The following GRID2 variants were observed in gnomAD, a reference collection of about 807,000 sequenced individuals.
GRID2 encodes the protein glutamate ionotropic receptor delta type subunit 2, also known as glutamate receptor ionotropic, delta-2.
In GRID2, 33 loss-of-function variants were observed where a neutral mutation model predicts 114.8. That is an observed-to-expected ratio of 0.29 (90% CI 0.22 to 0.38). The LOEUF (loss-of-function observed/expected upper bound fraction) is 0.38. Among genes scored for constraint, GRID2 ranks in the 10% least tolerant of loss-of-function variants. The pLI is 1.00. For missense variants in GRID2, 1,184 were observed against 1,257.7 expected (o/e 0.94, Z 0.89); for synonymous variants, 505 against 449.9 (o/e 1.12, Z -1.55).
chr4:93,405,007 G>C (rs1398249452), intron 9 of GRID2, among the ~76,000 whole-genome samples: 1 of 152,038 alleles, frequency 6.6e-6, no homozygotes, highest in Non-Finnish European at 1.5e-5. Context: ...GACTATGAAG[G>C]TAATATTGTA....
At chr4:93,799,693 A>C (rs1479899628) in intron 1 of GRID2, among the ~76,000 whole-genome samples, 2 of 152,206 alleles carry the variant, frequency 1.3e-5, no homozygotes, top group Admixed American at 1.3e-4. Context: ...ATCAATTAGT[A>C]TGATTTAGCT....
chr4:93,175,867 C>T (rs2149428762), intron 4 of GRID2, among the ~76,000 whole-genome samples: 2 of 152,232 alleles, frequency 1.3e-5, no homozygotes, highest in East Asian at 3.9e-4. Flanking sequence ...GTTTTCCCCT[C>T]CAATCCAACA....
At chr4:93,028,511 G>A (rs570620680) in intron 2 of GRID2, among the ~76,000 whole-genome samples, 8 of 152,070 alleles carry the variant, frequency 5.3e-5, no homozygotes, top group East Asian at 3.9e-4. Flanking sequence ...TAAATCATGC[G>A]TGATTAGGCA....
intron 11 of GRID2, among the ~76,000 whole-genome samples, chr4:93,466,072 A>C (rs1031153178): frequency 6.6e-6 from 1 of 152,182 alleles, no homozygotes; most frequent in African/African-American, 2.4e-5. Flanking sequence ...CTATAAAAAC[A>C]GTACACTTAG....
In GRID2 at chr4:92,971,015, A is replaced by T. The variant is rs550998159; in HGVS notation, c.245-113980A>T. Among the ~76,000 whole-genome samples, 67 of 143,420 alleles carry T rather than the reference A, an allele frequency of 4.7e-4. No homozygotes were observed. The East Asian group carries it at 4.9e-3, about 11-fold the overall frequency. The allele number at this position is 143,420 out of a possible 152,430, so 94.1% of individuals were successfully genotyped here. ...TGTGTGTATTGTTAAAGCTTTTTTT[A>T]AAAAAAAAAATTTGTACAGAAGAAG... On this transcript the variant is annotated intron_variant, in intron 2 of 15. Coordinates refer to ENST00000282020, the MANE Select transcript of GRID2 (RefSeq NM_001510.4).
At chr4:93,468,649 G>A (rs1724515396) in intron 11 of GRID2, among the ~76,000 whole-genome samples, 1 of 152,044 alleles carries the variant, frequency 6.6e-6, no homozygotes, top group Admixed American at 6.6e-5. Context: ...TAGGAGGTGA[G>A]GACAGAGAGG....
intron 2 of GRID2, among the ~76,000 whole-genome samples, chr4:92,690,891 C>G (rs548073757): frequency 3.3e-5 from 5 of 151,728 alleles, no homozygotes; most frequent in African/African-American, 1.2e-4. Flanking sequence ...TAATACATAG[C>G]TTATTTTTAT....
chr4:93,231,813 A>G (rs1746181511), intron 7 of GRID2, among the ~76,000 whole-genome samples: 1 of 152,118 alleles, frequency 6.6e-6, no homozygotes, highest in African/African-American at 2.4e-5. Context: ...CCCTCACTCC[A>G]TTGCAAGTGC....
chr4:92,321,016 T>G (rs1726285902), intron 1 of GRID2, among the ~76,000 whole-genome samples: 2 of 152,190 alleles, frequency 1.3e-5, no homozygotes, highest in Admixed American at 6.5e-5. Flanking sequence ...CTTTTATAGT[T>G]TCATATTGAA....
chr4:93,394,185 G>T (rs1050201620), intron 8 of GRID2, among the ~76,000 whole-genome samples: 2 of 151,944 alleles, frequency 1.3e-5, no homozygotes, highest in African/African-American at 4.8e-5. Context: ...ATGGCAAGAG[G>T]ACCACAATGT....
intron 13 of GRID2, among the ~76,000 whole-genome samples, chr4:93,611,000 T>C (rs1231680749): frequency 1.5e-5 from 2 of 131,820 alleles, no homozygotes; most frequent in Non-Finnish European, 3.2e-5. Context: ...GAGCCTGTTA[T>C]TGGTCTATTC....
chr4:92,991,801 TAC>T (rs1305712035), intron 2 of GRID2, among the ~76,000 whole-genome samples: 4 of 152,134 alleles, frequency 2.6e-5, no homozygotes, highest in Non-Finnish European at 5.9e-5. Flanking sequence ...TGAGTACAAA[TAC>T]ACAAAAGTTA....
At chr4:93,511,229 G>T (rs1299196521) in intron 12 of GRID2, among the ~76,000 whole-genome samples, 2 of 152,106 alleles carry the variant, frequency 1.3e-5, no homozygotes, top group Non-Finnish European at 2.9e-5. Context: ...GAGCCACTGC[G>T]CCTGGCCCCA....
chr4:92,920,994 G>A (rs185559801), intron 2 of GRID2, among the ~76,000 whole-genome samples: 342 of 152,206 alleles, frequency 2.2e-3, no homozygotes, highest in African/African-American at 7.6e-3. Context: ...CCAATCAGAC[G>A]TAGATTTGGT....
chr4:93,645,794 T>G (rs1722056738), intron 14 of GRID2, among the ~76,000 whole-genome samples: 1 of 152,184 alleles, frequency 6.6e-6, no homozygotes, highest in Non-Finnish European at 1.5e-5. Flanking sequence ...TTTTTGTTAA[T>G]TAATCATTTC....
chr4:92,309,546 C>T (rs967515520), intron 1 of GRID2, among the ~76,000 whole-genome samples: 132 of 151,340 alleles, frequency 8.7e-4, no homozygotes, highest in African/African-American at 3.1e-3. Flanking sequence ...TACTTGAAAA[C>T]CACATGAAAT....
chr4:93,768,165 G>A (rs111242238), intron 14 of GRID2, among the ~76,000 whole-genome samples: 140 of 152,270 alleles, frequency 9.2e-4, no homozygotes, highest in African/African-American at 3.1e-3. Context: ...TGGTGCACCC[G>A]TGGCTGTAAG....
At chr4:92,900,781 A>G (rs1042999943) in intron 2 of GRID2, among the ~76,000 whole-genome samples, 2 of 150,040 alleles carry the variant, frequency 1.3e-5, no homozygotes, top group Non-Finnish European at 3.0e-5. Context: ...TTGCAGTGAG[A>G]CAAGATCACG....
At position 93,128,278 on chromosome 4, in the gene GRID2, G is replaced by A. The variant is rs115620627; in HGVS notation, c.735+17325G>A. Among the ~76,000 whole-genome samples, 349 of 151,940 alleles carry A rather than the reference G, an allele frequency of 2.3e-3. 1 individual carries two copies. Among genetic ancestry groups the A allele is most frequent in the African/African-American group, 7.9e-3 (329 of 41,422 alleles). ...GGATTATGGATTTTTGTCATATTTC[G>A]CCCTTAAGCATAGAGAAGAACAGAA... On this transcript the variant is annotated intron_variant, in intron 4 of 15. Transcript: ENST00000282020.
Sources: gnomAD v4.1 joint callset for allele counts (sites outside exome capture counted in the v4.1 genomes callset) on GRCh38, gnomAD v4.1.1 for gene constraint, MANE v1.5 for transcripts, NCBI Gene and HGNC (gene_info 2026-07-23, HGNC 2026-07-21) for gene names.